MTHFD2L: variants seen among roughly 807,000 people sequenced by gnomAD.
MTHFD2L encodes the protein bifunctional methylenetetrahydrofolate dehydrogenase/cyclohydrolase 2, mitochondrial.
MTHFD2L carries 29 observed loss-of-function variants against 34.9 expected under a neutral mutation model. That is an observed-to-expected ratio of 0.83 (90% CI 0.62 to 1.13). The LOEUF is 1.13. MTHFD2L is among the 50% of genes most tolerant of loss of function. The probability of loss-of-function intolerance (pLI) is 0.00; values close to 1 mark genes in which losing one functional copy is unlikely to be tolerated. For missense variants in MTHFD2L, 481 were observed against 446.5 expected, an observed-to-expected ratio of 1.08 and a Z score of -0.70; for synonymous variants, 167 against 155.7, an observed-to-expected ratio of 1.07 and a Z score of -0.54.
chr4:74,158,212 C>T lies in MTHFD2L; in HGVS notation c.74C>T (p.Thr25Ile). The change falls in exon 1 of 8, where the codon ACA becomes ATA. Residue 25 changes from threonine (T) to isoleucine (I), a missense_variant. Transcript: ENST00000325278. ...LGRAPALGRS[T>I]APSVRAPGEP... ...CGAGCGCCGGCGTTGGGCAGAAGCA[C>T]AGCACCCTCCGTAAGGGCACCGGGA... 1 of 1,516,608 alleles carries T rather than the reference C, an allele frequency of 6.6e-7. No homozygotes were observed. The highest frequency in any genetic ancestry group is 1.3e-5 in the South Asian group (1 of 78,808). 93.9% of individuals were successfully genotyped at this position (1,516,608 alleles called of 1,614,324 possible). A position where few individuals can be genotyped will look rare whatever the true frequency, so the allele number is the denominator to read the frequency against.
Position 74,147,985 on chromosome 4 carries a change from C to T in MTHFD2L, c.-296-12070C>T, listed in dbSNP as rs151140925. On this transcript the variant is annotated intron_variant, in intron 1 of 7. Transcript: ENST00000433372. ...TGCTTTTTCACTCTGTTGATTATGT[C>T]CTCTGCTGCACAGAAGTTTCTTATA... Among the ~76,000 whole-genome samples the T allele has an allele frequency of 1.9e-3, 282 of 152,128 alleles. 5 individuals are homozygous for T. In the East Asian group the frequency reaches 0.053, roughly 29 times the overall value.
intron 3 of MTHFD2L, among the ~76,000 whole-genome samples, chr4:74,186,843 AAATGGTCCAAAC>A (rs1467366292): frequency 6.6e-6 from 1 of 152,166 alleles, no homozygotes; most frequent in Non-Finnish European, 1.5e-5. Flanking sequence ...AAATGACCTA[AAATGGTCCAAAC>A]AATTTTGAAA....
In MTHFD2L at chr4:74,245,416, TTAAATA is replaced by T. The variant is rs200513654; in HGVS notation, c.805+20026_805+20031del. 2.6e-5 allele frequency among the ~76,000 whole-genome samples: 4 copies of T among 152,152 alleles called. No individual in the cohort carries two copies. The East Asian group carries it at 7.7e-4, about 29-fold the overall frequency. ...AATTTTAATTGCTTATATAATATCA[TTAAATA>T]TAAGTCATTAAGTAATTATATGTTA... On this transcript the variant is annotated intron_variant, in intron 6 of 7. Transcript: ENST00000325278.
At chr4:74,251,091 G>T (rs1055442394) in intron 6 of MTHFD2L, among the ~76,000 whole-genome samples, 45 of 152,252 alleles carry the variant, frequency 3.0e-4, no homozygotes, top group African/African-American at 1.1e-3. Context: ...CAATCTGAGT[G>T]ATGAACTCTA....
chr4:74,176,915 C>T (rs1292914311), intron 3 of MTHFD2L, among the ~76,000 whole-genome samples: 1 of 151,840 alleles, frequency 6.6e-6, no homozygotes, highest in Non-Finnish European at 1.5e-5. Flanking sequence ...TAATATTTTT[C>T]TTTATCCAGC....
intron 5 of MTHFD2L, among the ~76,000 whole-genome samples, chr4:74,202,654 G>T (rs188735095): frequency 7.2e-4 from 109 of 152,226 alleles, no homozygotes; most frequent in Non-Finnish European, 1.4e-3. Flanking sequence ...AAGTTTTCAT[G>T]TTCTTAATAG....
intron 7 of MTHFD2L, among the ~76,000 whole-genome samples, chr4:74,286,842 C>T (rs1366636811): frequency 6.6e-6 from 1 of 152,100 alleles, no homozygotes; most frequent in Non-Finnish European, 1.5e-5. Context: ...CTGACAATGC[C>T]TTTCCACTTA....
At chr4:74,135,047 T>G (rs539312409) in intron 1 of MTHFD2L, among the ~76,000 whole-genome samples, 2 of 152,286 alleles carry the variant, frequency 1.3e-5, no homozygotes, top group Middle Eastern at 3.4e-3. Flanking sequence ...AGAAAGCTTA[T>G]TCAAAGAAAT....
At chr4:74,174,718 T>G in intron 2 of MTHFD2L, 28 bp downstream of exon 2, 2 of 1,305,536 alleles carry the variant, frequency 1.5e-6, no homozygotes, top group Non-Finnish European at 2.0e-6. Flanking sequence ...TTGTAATTAC[T>G]ACTAAATATG....
At chr4:74,116,311 A>G (rs944282878) in intron 2 of MTHFD2L, among the ~76,000 whole-genome samples, 1 of 152,208 alleles carries the variant, frequency 6.6e-6, no homozygotes, top group African/African-American at 2.4e-5. Flanking sequence ...AATAAAATAC[A>G]TATCACTAAA....
At chr4:74,135,527 A>T (rs1185701131) in intron 1 of MTHFD2L, among the ~76,000 whole-genome samples, 1 of 152,140 alleles carries the variant, frequency 6.6e-6, no homozygotes, top group African/African-American at 2.4e-5. Flanking sequence ...CCCATCAAAG[A>T]AAAGCTCACG....
At chr4:74,230,955 G>A (rs964555097) in intron 6 of MTHFD2L, among the ~76,000 whole-genome samples, 24 of 151,926 alleles carry the variant, frequency 1.6e-4, no homozygotes, top group Admixed American at 5.2e-4. Flanking sequence ...CTATATTCAG[G>A]AAATGAGCTG....
intron 1 of MTHFD2L, among the ~76,000 whole-genome samples, chr4:74,141,647 G>C (rs1338984647): frequency 2.0e-5 from 3 of 152,124 alleles, no homozygotes; most frequent in East Asian, 3.8e-4. Context: ...TCACTCACTT[G>C]ATCTCAAGTA....
chr4:74,159,988 T>G, intron 1 of MTHFD2L: 2 of 1,113,700 alleles, frequency 1.8e-6, no homozygotes, highest in Non-Finnish European at 2.3e-6. Flanking sequence ...TGTGGACTGG[T>G]GGGTCTCGGG....
intron 5 of MTHFD2L, among the ~76,000 whole-genome samples, chr4:74,213,677 A>G (rs1202841446): frequency 3.3e-5 from 5 of 151,998 alleles, no homozygotes; most frequent in Admixed American, 3.3e-4. Context: ...TGTGACGGTT[A>G]TGTGTCTTGT....
chr4:74,158,361 G>C, intron 1 of MTHFD2L, 80 bp downstream of exon 1: 1 of 1,058,424 alleles, frequency 9.4e-7, no homozygotes, highest in Non-Finnish European at 1.2e-6. Flanking sequence ...TCGCGCGCGT[G>C]GGGCCCAAGG....
chr4:74,164,690 T>C (rs190721275), intron 1 of MTHFD2L, among the ~76,000 whole-genome samples: 19 of 152,372 alleles, frequency 1.2e-4, no homozygotes, highest in Admixed American at 6.5e-4. Context: ...TGAGAGAAGC[T>C]AAGTGACTTG....
At chr4:74,182,537 G>A (rs572103030) in intron 3 of MTHFD2L, among the ~76,000 whole-genome samples, 1 of 152,280 alleles carries the variant, frequency 6.6e-6, no homozygotes, top group South Asian at 2.1e-4. Context: ...CAAGGGCTGA[G>A]TTCTTTCTCC....
intron 1 of MTHFD2L, among the ~76,000 whole-genome samples, chr4:74,142,247 T>C (rs776331712): frequency 2.6e-5 from 4 of 152,364 alleles, no homozygotes; most frequent in Non-Finnish European, 5.9e-5. Flanking sequence ...AAAATGCTAG[T>C]TAATGTTATG....
Sources: gnomAD v4.1 joint callset for allele counts (sites outside exome capture counted in the v4.1 genomes callset) on GRCh38, gnomAD v4.1.1 for gene constraint, MANE v1.5 for transcripts, NCBI Gene and HGNC (gene_info 2026-07-23, HGNC 2026-07-21) for gene names.